Variants in BRF1 observed in about 807,000 individuals in gnomAD.
The protein encoded by BRF1 is BRF1 general transcription factor IIIB subunit.
A neutral mutation model predicts 81.7 loss-of-function variants in BRF1; 59 were observed. The ratio of observed to expected loss-of-function variants is 0.72; its 90% CI spans 0.59 to 0.90. BRF1 has a LOEUF of 0.90. Ranked by LOEUF, BRF1 falls within the 40% of genes least tolerant of loss-of-function variation. The pLI is 0.00. For missense variants in BRF1, 1,050 were observed against 936.3 expected (o/e 1.12, Z -1.58); for synonymous variants, 491 against 395.6 (o/e 1.24, Z -2.86).
In BRF1 at chr14:105,209,899, C is replaced by A; in HGVS notation, c.*652G>T. 1 of 406,896 alleles carries A rather than the reference C, an allele frequency of 2.5e-6. No individual in the cohort carries two copies. Among genetic ancestry groups the A allele is most frequent in the East Asian group, 3.8e-5 (1 of 26,464 alleles). 25.2% of individuals were successfully genotyped at this position (406,896 alleles called of 1,614,324 possible). On this transcript the variant is annotated 3_prime_UTR_variant, in exon 18 of 18. Coordinates refer to ENST00000547530, the MANE Select transcript of BRF1 (RefSeq NM_001519.4). The stretch of plus-strand genomic sequence containing the variant: ...GACCCCCATGCTGCTCCAGGCGGTG[C>A]AGGCAGCGGGGAGGGGGGTCTGGAG...
intron 2 of BRF1, among the ~76,000 whole-genome samples, chr14:105,280,380 A>G (rs1381977159): frequency 6.6e-6 from 1 of 152,210 alleles, no homozygotes; most frequent in Non-Finnish European, 1.5e-5. Flanking sequence ...GGAAGGAGGG[A>G]TGAATGGGTG....
In BRF1 at chr14:105,241,257, C is replaced by T. The variant is rs370685816; in HGVS notation, c.694+8G>A. 8.7e-5 allele frequency: 140 copies of T among 1,610,308 alleles called. No homozygotes were observed. The highest frequency in any genetic ancestry group is 9.7e-5 in the Non-Finnish European group (115 of 1,179,586). ...CAGCATCCCCCAGGCAGGCAGGGCCCGCTGTACCTGCTCCGCAGAGGCCCG... is the reference window on the plus strand; with the variant it reads ...CAGCATCCCCCAGGCAGGCAGGGCCTGCTGTACCTGCTCCGCAGAGGCCCG... On this transcript the variant is annotated splice_region_variant and intron_variant, in intron 6 of 17. Transcript: ENST00000547530.
intron 1 of BRF1, 69 bp from the exon 2 acceptor site, chr14:105,286,445 C>T: frequency 6.7e-7 from 1 of 1,482,298 alleles, no homozygotes; most frequent in Non-Finnish European, 9.3e-7. Flanking sequence ...TTCCTAACAT[C>T]CACAGACACA....
intron 6 of BRF1, 36 bp from the exon 7 acceptor site, chr14:105,228,949 C>A (rs748708656): frequency 1.2e-6 from 2 of 1,601,578 alleles, no homozygotes; most frequent in Non-Finnish European, 8.5e-7. Flanking sequence ...TCAACCACGG[C>A]TGGGAACCAG....
At chr14:105,283,863 C>A (rs1271240821) in intron 2 of BRF1, among the ~76,000 whole-genome samples, 1 of 152,208 alleles carries the variant, frequency 6.6e-6, no homozygotes, top group Non-Finnish European at 1.5e-5. Context: ...GCACCACAAG[C>A]AATGGGCAGA....
intron 5 of BRF1, among the ~76,000 whole-genome samples, chr14:105,243,853 G>A (rs956892450): frequency 9.3e-5 from 14 of 151,012 alleles, no homozygotes; most frequent in African/African-American, 3.0e-4. Flanking sequence ...AAAATTAGCT[G>A]GGGGTGGTGG....
chr14:105,211,068 T>G (rs587650628), intron 17 of BRF1, 54 bp downstream of exon 17: 2 of 1,597,414 alleles, frequency 1.3e-6, no homozygotes, highest in African/African-American at 1.3e-5. Flanking sequence ...TGAGGGGCAG[T>G]AGCTGATGCC....
At chr14:105,306,678 G>A (rs587751695) in intron 1 of BRF1, among the ~76,000 whole-genome samples, 23 of 150,512 alleles carry the variant, frequency 1.5e-4, no homozygotes, top group Non-Finnish European at 2.7e-4. Context: ...CGATCTTGAT[G>A]TACCGCAATC....
intron 5 of BRF1, chr14:105,250,175 C>T (rs2055514900): frequency 6.2e-7 from 1 of 1,612,880 alleles, no homozygotes; most frequent in Non-Finnish European, 8.5e-7. Flanking sequence ...CACCAACAAG[C>T]CCCGCCTGGA....
At chr14:105,224,155 G>C (rs587619283) in intron 10 of BRF1, among the ~76,000 whole-genome samples, 2 of 152,322 alleles carry the variant, frequency 1.3e-5, no homozygotes, top group African/African-American at 4.8e-5. Flanking sequence ...GATCACTTGA[G>C]GTCAGGAGTT....
intron 5 of BRF1, chr14:105,246,791 G>C: frequency 1.0e-6 from 1 of 982,506 alleles, no homozygotes; most frequent in Non-Finnish European, 1.2e-6. Flanking sequence ...AAAGTGCAAA[G>C]GGTGGTTTCT....
At chr14:105,225,148 G>A (rs587696985) in intron 10 of BRF1, among the ~76,000 whole-genome samples, 3 of 152,306 alleles carry the variant, frequency 2.0e-5, no homozygotes, top group South Asian at 2.1e-4. Flanking sequence ...TCCAGAGTTC[G>A]ACCAGGCTGG....
chr14:105,261,755 G>A (rs763810646), intron 3 of BRF1, among the ~76,000 whole-genome samples: 90 of 152,246 alleles, frequency 5.9e-4, no homozygotes, highest in Admixed American at 2.2e-3. Context: ...TGCAGGGGCC[G>A]GCAGGGCCCC....
chr14:105,281,400 G>A (rs1225587280), intron 2 of BRF1, among the ~76,000 whole-genome samples: 3 of 137,668 alleles, frequency 2.2e-5, no homozygotes, highest in East Asian at 4.4e-4. Flanking sequence ...TACAGGCTGC[G>A]TGATCCTGAG....
chr14:105,308,372 C>G (rs2058250884), intron 1 of BRF1, among the ~76,000 whole-genome samples: 2 of 151,786 alleles, frequency 1.3e-5, no homozygotes, highest in African/African-American at 4.8e-5. Flanking sequence ...GTCCCAGCTA[C>G]TCGGGAGGCT....
At chr14:105,228,222 T>G (rs1452299359) in intron 7 of BRF1, 1 of 152,394 alleles carries the variant, frequency 6.6e-6, no homozygotes, top group Non-Finnish European at 1.5e-5. Flanking sequence ...TCATGCCTGT[T>G]TGTGACTTAG....
chr14:105,229,006 G>C lies in BRF1; in HGVS notation c.695-93C>G, dbSNP rs1214982098. 52 of 1,143,988 alleles carry C rather than the reference G, an allele frequency of 4.5e-5. No homozygotes were observed. In the East Asian group the frequency reaches 1.2e-3, roughly 26 times the overall value. 70.9% of individuals were successfully genotyped at this position (1,143,988 alleles called of 1,614,324 possible). On this transcript the variant is annotated intron_variant, in intron 6 of 17. Coordinates refer to ENST00000547530, the MANE Select transcript of BRF1 (RefSeq NM_001519.4). Reference sequence around the variant, plus strand: ...GGACAACACTGCGGATCCCGGTCACGGAGATGATGGCCTGAGAAGACGTGT... The same window carrying C: ...GGACAACACTGCGGATCCCGGTCACCGAGATGATGGCCTGAGAAGACGTGT...
At chr14:105,226,484 C>A in intron 8 of BRF1, 150 bp downstream of exon 8, 1 of 1,485,468 alleles carries the variant, frequency 6.7e-7, no homozygotes, top group South Asian at 1.3e-5. Context: ...AGGGGCATCC[C>A]GGAGCCTCGG....
intron 4 of BRF1, among the ~76,000 whole-genome samples, chr14:105,255,629 G>A (rs2055829738): frequency 6.6e-6 from 1 of 152,220 alleles, no homozygotes; most frequent in Admixed American, 6.5e-5. Flanking sequence ...GACCTGTGGT[G>A]CAGCCCCCAG....
Sources: allele counts gnomAD v4.1 joint callset (sites outside exome capture counted in the v4.1 genomes callset), GRCh38; gene constraint gnomAD v4.1.1; transcripts MANE v1.5; gene names NCBI Gene and HGNC (gene_info 2026-07-23, HGNC 2026-07-21).